SLC35D4: variants seen among roughly 807,000 people sequenced by gnomAD.
The protein encoded by SLC35D4 is UDP-N-acetylglucosamine transporter SLC35D4.
At chr18:23,304,656 T>C in the SLC35D4 span, among the ~76,000 whole-genome samples, 1 of 152,104 alleles carries the variant, frequency 6.6e-6, no homozygotes, top group Admixed American at 6.6e-5. Flanking sequence ...GATGTCAACC[T>C]GCCTACCATT....
the SLC35D4 span, among the ~76,000 whole-genome samples, chr18:23,327,580 T>C: frequency 6.6e-6 from 1 of 150,820 alleles, no homozygotes. Context: ...CCAAAAAGAG[T>C]CCAGGACCAG....
chr18:23,293,469 A>T, the SLC35D4 span, among the ~76,000 whole-genome samples: 11 of 152,244 alleles, frequency 7.2e-5, no homozygotes, highest in Admixed American at 7.2e-4. Flanking sequence ...CATTCTTTTT[A>T]AAAAATATTA....
the SLC35D4 span, among the ~76,000 whole-genome samples, chr18:23,248,512 CTTTT>C: frequency 2.6e-3 from 235 of 90,710 alleles, 2 homozygotes; most frequent in African/African-American, 6.8e-3. Context: ...GACCCTATGT[CTTTT>C]TTTTTTTTTT....
At chr18:23,246,534 G>A in the SLC35D4 span, among the ~76,000 whole-genome samples, 4 of 152,058 alleles carry the variant, frequency 2.6e-5, no homozygotes, top group Middle Eastern at 3.4e-3. Flanking sequence ...TGGGACTACA[G>A]GCACCCGCCA....
chr18:23,362,585 C>T, the SLC35D4 span, among the ~76,000 whole-genome samples: 3 of 151,900 alleles, frequency 2.0e-5, no homozygotes, highest in Admixed American at 2.0e-4. Context: ...GGCAACAGAG[C>T]GAGACTCTGT....
chr18:23,352,356 C>T, the SLC35D4 span: 1 of 1,278,974 alleles, frequency 7.8e-7, no homozygotes, highest in African/African-American at 1.5e-5. Flanking sequence ...TGACTAGTGT[C>T]TGCTACATTT....
the SLC35D4 span, chr18:23,399,440 G>T: frequency 1.2e-6 from 1 of 841,496 alleles, no homozygotes; most frequent in Non-Finnish European, 1.8e-6. Context: ...ACAAAAGGGA[G>T]TAATAGGTCC....
chr18:23,351,751 T>C, the SLC35D4 span, among the ~76,000 whole-genome samples: 1 of 152,308 alleles, frequency 6.6e-6, no homozygotes, highest in East Asian at 1.9e-4. Context: ...TTCTGTTTCT[T>C]TGTGGTTCCC....
chr18:23,383,391 G>A, the SLC35D4 span, among the ~76,000 whole-genome samples: 775 of 140,704 alleles, frequency 5.5e-3, 9 homozygotes, highest in African/African-American at 0.02. Context: ...GCAGGGAGGG[G>A]GCATGAAGGC....
the SLC35D4 span, among the ~76,000 whole-genome samples, chr18:23,255,661 G>A: frequency 6.7e-6 from 1 of 150,180 alleles, no homozygotes; most frequent in East Asian, 2.0e-4. Flanking sequence ...CCAGACTCAA[G>A]CAATCCTCCC....
At chr18:23,423,727 C>T in the SLC35D4 span, among the ~76,000 whole-genome samples, 1,185 of 152,246 alleles carry the variant, frequency 7.8e-3, 10 homozygotes, top group Middle Eastern at 0.031. Context: ...GTAAGACTTC[C>T]TAGAGAAAAT....
At chr18:23,330,031 C>T in the SLC35D4 span, among the ~76,000 whole-genome samples, 2 of 152,104 alleles carry the variant, frequency 1.3e-5, no homozygotes, top group African/African-American at 4.8e-5. Flanking sequence ...GGGAACACCA[C>T]ACAACGGGGC....
the SLC35D4 span, chr18:23,257,519 C>A: frequency 1.2e-6 from 1 of 849,448 alleles, no homozygotes; most frequent in Non-Finnish European, 1.7e-6. Context: ...AGAAACTTTC[C>A]AAGGAGTCTT....
At chr18:23,322,702 T>C in the SLC35D4 span, among the ~76,000 whole-genome samples, 13 of 152,380 alleles carry the variant, frequency 8.5e-5, no homozygotes, top group African/African-American at 2.6e-4. Flanking sequence ...TTTGCTATTA[T>C]AATTTTCTTT....
At chr18:23,243,317 C>T in the SLC35D4 span, among the ~76,000 whole-genome samples, 6 of 152,024 alleles carry the variant, frequency 3.9e-5, no homozygotes, top group African/African-American at 1.4e-4. Flanking sequence ...GTGGCACTTC[C>T]CTGAGGCTTG....
At chr18:23,308,910 G>T in the SLC35D4 span, among the ~76,000 whole-genome samples, 1 of 141,116 alleles carries the variant, frequency 7.1e-6, no homozygotes, top group Non-Finnish European at 1.5e-5. Context: ...GTATACAGTT[G>T]CCCCTCAGTA....
the SLC35D4 span, among the ~76,000 whole-genome samples, chr18:23,290,835 A>G: frequency 6.6e-6 from 1 of 151,266 alleles, no homozygotes; most frequent in Non-Finnish European, 1.5e-5. Flanking sequence ...ACAGAGTTTC[A>G]ACACATTGGC....
the SLC35D4 span, among the ~76,000 whole-genome samples, chr18:23,374,588 C>A: frequency 1.3e-5 from 2 of 151,320 alleles, no homozygotes; most frequent in Non-Finnish European, 2.9e-5. Flanking sequence ...CGGGTTCAAG[C>A]GATTCTCCTG....
the SLC35D4 span, among the ~76,000 whole-genome samples, chr18:23,385,359 G>A: frequency 6.6e-6 from 1 of 152,224 alleles, no homozygotes; most frequent in African/African-American, 2.4e-5. Flanking sequence ...AGGTAAACAT[G>A]CCCCCTCAGG....
Sources: allele counts gnomAD v4.1 joint callset (sites outside exome capture counted in the v4.1 genomes callset), GRCh38; gene constraint gnomAD v4.1.1; transcripts MANE v1.5; gene names NCBI Gene and HGNC (gene_info 2026-07-23, HGNC 2026-07-21).